PTPRG: variants seen among roughly 807,000 people sequenced by gnomAD.
PTPRG encodes receptor-type tyrosine-protein phosphatase gamma.
PTPRG carries 102 observed loss-of-function variants against 165.3 expected under a neutral mutation model. The ratio of observed to expected loss-of-function variants is 0.62; its 90% CI spans 0.53 to 0.73. The LOEUF is 0.73. Ranked by LOEUF, PTPRG falls within the 30% of genes least tolerant of loss-of-function variation. The pLI is 0.00. For missense variants in PTPRG, 1,866 were observed against 1,861.4 expected (o/e 1.00, Z -0.05); for synonymous variants, 675 against 669.5 (o/e 1.01, Z -0.13).
chr3:61,586,433 T>C (rs1381125129), intron 1 of PTPRG, among the ~76,000 whole-genome samples: 1 of 152,198 alleles, frequency 6.6e-6, no homozygotes, highest in Non-Finnish European at 1.5e-5. Context: ...ACCTTCCCAG[T>C]GCAGGGGAAT....
intron 2 of PTPRG, among the ~76,000 whole-genome samples, chr3:61,773,816 C>A (rs1215574289): frequency 6.6e-6 from 1 of 151,812 alleles, no homozygotes; most frequent in East Asian, 1.9e-4. Flanking sequence ...ACTCTGTCAC[C>A]CAGGCTGGAG....
intron 1 of PTPRG, among the ~76,000 whole-genome samples, chr3:61,618,029 A>G (rs920817682): frequency 1.3e-5 from 2 of 152,212 alleles, no homozygotes; most frequent in African/African-American, 4.8e-5. Context: ...TAAGCTTACA[A>G]AGCGGCCAGG....
chr3:61,867,195 A>T (rs1164167192), intron 2 of PTPRG, among the ~76,000 whole-genome samples: 3 of 152,158 alleles, frequency 2.0e-5, no homozygotes, highest in Non-Finnish European at 4.4e-5. Flanking sequence ...GGTGCCTGGC[A>T]TGGCATCATA....
chr3:61,812,249 T>C (rs2035604526), intron 2 of PTPRG, among the ~76,000 whole-genome samples: 1 of 152,060 alleles, frequency 6.6e-6, no homozygotes. Context: ...AGATTTACTG[T>C]CTTGAGGGTA....
At chr3:61,896,353 C>T (rs1458039595) in intron 2 of PTPRG, among the ~76,000 whole-genome samples, 1 of 152,102 alleles carries the variant, frequency 6.6e-6, no homozygotes, top group African/African-American at 2.4e-5. Context: ...TGGAATAATT[C>T]TCGGGAACTC....
At chr3:62,129,519 G>A (rs9841379) in intron 5 of PTPRG, among the ~76,000 whole-genome samples, 19,187 of 152,054 alleles carry the variant, frequency 0.13, 1,412 homozygotes, top group East Asian at 0.31. Context: ...TTGTAACCAT[G>A]GCAACGCGTA....
intron 1 of PTPRG, among the ~76,000 whole-genome samples, chr3:61,728,825 C>A (rs1156269770): frequency 6.7e-6 from 1 of 149,124 alleles, no homozygotes; most frequent in African/African-American, 2.5e-5. Flanking sequence ...TTGCTTGAGC[C>A]CACGAGTTCG....
At chr3:62,026,494 C>A (rs2107772073) in intron 4 of PTPRG, among the ~76,000 whole-genome samples, 1 of 152,274 alleles carries the variant, frequency 6.6e-6, no homozygotes, top group East Asian at 1.9e-4. Context: ...TGAACCCAGA[C>A]ACGTGTGCCC....
chr3:61,574,716 C>T (rs1395841119), intron 1 of PTPRG, among the ~76,000 whole-genome samples: 1 of 152,134 alleles, frequency 6.6e-6, no homozygotes, highest in Non-Finnish European at 1.5e-5. Flanking sequence ...ATTTAGCTTA[C>T]AGTTTTACAG....
At chr3:62,168,914 A>C (rs1480235576) in intron 8 of PTPRG, among the ~76,000 whole-genome samples, 1 of 151,982 alleles carries the variant, frequency 6.6e-6, no homozygotes. Flanking sequence ...TCTCAGCAGG[A>C]TGTATAGGGA....
chr3:61,621,552 C>T (rs1459369081), intron 1 of PTPRG, among the ~76,000 whole-genome samples: 2 of 151,950 alleles, frequency 1.3e-5, no homozygotes, highest in Non-Finnish European at 2.9e-5. Flanking sequence ...TTGTTTTTTT[C>T]GCTTCCTCCC....
At chr3:61,681,295 C>T (rs967768702) in intron 1 of PTPRG, among the ~76,000 whole-genome samples, 9 of 152,218 alleles carry the variant, frequency 5.9e-5, no homozygotes, top group African/African-American at 2.2e-4. Flanking sequence ...ACACACCCAA[C>T]CACAAAACTT....
intron 8 of PTPRG, among the ~76,000 whole-genome samples, chr3:62,183,329 C>T (rs746949803): frequency 6.6e-6 from 1 of 152,046 alleles, no homozygotes; most frequent in South Asian, 2.1e-4. Context: ...TTTGAGAGGC[C>T]GAAGTGGGTG....
At chr3:62,196,202 G>A (rs1699958750) in intron 10 of PTPRG, among the ~76,000 whole-genome samples, 1 of 144,016 alleles carries the variant, frequency 6.9e-6, no homozygotes, top group Non-Finnish European at 1.5e-5. Context: ...GACCAGCCTG[G>A]CCAACATGGT....
intron 16 of PTPRG, among the ~76,000 whole-genome samples, chr3:62,259,708 G>C (rs1701636026): frequency 1.3e-5 from 2 of 152,304 alleles, no homozygotes; most frequent in African/African-American, 4.8e-5. Flanking sequence ...CCAGCTGCAG[G>C]ATAATAATGC....
At chr3:62,091,670 G>A (rs1342945471) in intron 5 of PTPRG, among the ~76,000 whole-genome samples, 1 of 152,100 alleles carries the variant, frequency 6.6e-6, no homozygotes, top group African/African-American at 2.4e-5. Context: ...CCTTATTAGT[G>A]TCTACTTGGT....
intron 2 of PTPRG, among the ~76,000 whole-genome samples, chr3:61,945,311 G>A (rs893405315): frequency 1.3e-5 from 2 of 152,090 alleles, no homozygotes; most frequent in African/African-American, 4.8e-5. Flanking sequence ...TGTAATCTCA[G>A]CACTTTGGGA....
In PTPRG at chr3:62,190,424, C is replaced by T. The variant is rs1699778628; in HGVS notation, c.1034-1045C>T. Among the ~76,000 whole-genome samples the T allele has an allele frequency of 6.6e-6, 1 of 152,160 alleles. No individual in the cohort carries two copies. The highest frequency in any genetic ancestry group is 1.5e-5 in the Non-Finnish European group (1 of 68,040). On this transcript the variant is annotated intron_variant, in intron 8 of 29. Coordinates refer to ENST00000474889, the MANE Select transcript of PTPRG (RefSeq NM_002841.4). The surrounding 1 kb of genome is among the most constrained non-coding windows in gnomAD (Gnocchi z 5.2). The stretch of plus-strand genomic sequence containing the variant: ...ACACCCCTGAGAAAGCACACATTTC[C>T]GGCTGACTGGATTGGACCTGTTGAG...
At chr3:61,751,686 A>G (rs2033435188) in intron 2 of PTPRG, among the ~76,000 whole-genome samples, 1 of 152,200 alleles carries the variant, frequency 6.6e-6, no homozygotes, top group South Asian at 2.1e-4. Flanking sequence ...CAGTGAGATG[A>G]TATTTGTGAA....
Sources: allele counts gnomAD v4.1 joint callset (sites outside exome capture counted in the v4.1 genomes callset), GRCh38; gene constraint gnomAD v4.1.1; non-coding constraint Gnocchi (gnomAD v3.1); transcripts MANE v1.5; gene names NCBI Gene and HGNC (gene_info 2026-07-23, HGNC 2026-07-21).